SPAG1: variants seen among roughly 807,000 people sequenced by gnomAD.
SPAG1 encodes the protein sperm associated antigen 1.
Under a neutral mutation model 100.5 loss-of-function variants are expected in SPAG1, and 69 were observed. The observed-to-expected ratio is 0.69, with a 90% confidence interval of 0.57 to 0.84. The LOEUF (loss-of-function observed/expected upper bound fraction) is 0.84. Ranked by LOEUF, SPAG1 falls within the 40% of genes least tolerant of loss-of-function variation. The pLI is 0.00. For missense variants in SPAG1, 955 were observed against 1,133.1 expected (o/e 0.84, Z 2.26); for synonymous variants, 336 against 411.6 (o/e 0.82, Z 2.22).
rs2132289617 is a variant in SPAG1 at position 100,194,180 on chromosome 8, GA to G, written c.1012del (p.Arg338GlyfsTer7). On this transcript the variant is annotated frameshift_variant, in exon 10 of 19. Coordinates refer to ENST00000388798, the MANE Select transcript of SPAG1 (RefSeq NM_003114.5). LOFTEE classifies it high-confidence loss of function. ...EAASETQTKG[K>X]RMVIQEIENS... The stretch of plus-strand genomic sequence containing the variant: ...CTGCATCTGAGACTCAAACCAAAGG[GA>G]AAAGGATGGTTATTCAGGAAATAGA... 6.2e-7 allele frequency: 1 copy of G among 1,611,142 alleles called. No individual in the cohort carries two copies. Among genetic ancestry groups the G allele is most frequent in the Non-Finnish European group, 8.5e-7 (1 of 1,178,954 alleles).
At chr8:100,194,423 A>G in intron 10 of SPAG1, 155 bp downstream of exon 10, 1 of 1,050,460 alleles carries the variant, frequency 9.5e-7, no homozygotes, top group Non-Finnish European at 1.4e-6. Context: ...CTTTTTCTTA[A>G]TACAGCTTGG....
At chr8:100,236,604 G>C (rs773268322) in intron 16 of SPAG1, among the ~76,000 whole-genome samples, 1 of 152,168 alleles carries the variant, frequency 6.6e-6, no homozygotes, top group Admixed American at 6.5e-5. Context: ...GTTTTCCTCA[G>C]ATCTTCTGTT....
intron 10 of SPAG1, among the ~76,000 whole-genome samples, chr8:100,207,882 A>G (rs1331421472): frequency 6.6e-6 from 1 of 152,204 alleles, no homozygotes; most frequent in Non-Finnish European, 1.5e-5. Context: ...GGCCTTTTGA[A>G]GTCACAATTA....
intron 12 of SPAG1, 37 bp from the exon 13 acceptor site, chr8:100,220,242 C>A: frequency 6.4e-7 from 1 of 1,574,642 alleles, no homozygotes; most frequent in South Asian, 1.2e-5. Flanking sequence ...GAGCATTTTT[C>A]AAAACAAATG....
At chr8:100,223,175 T>C (rs895128253) in intron 13 of SPAG1, among the ~76,000 whole-genome samples, 3 of 152,234 alleles carry the variant, frequency 2.0e-5, no homozygotes, top group Non-Finnish European at 4.4e-5. Flanking sequence ...CACCAGTTGA[T>C]GAACATTTGG....
intron 1 of SPAG1, among the ~76,000 whole-genome samples, chr8:100,159,857 A>T (rs1815229705): frequency 6.6e-6 from 1 of 152,218 alleles, no homozygotes. Flanking sequence ...TAGCCTATTG[A>T]GACTCGTATC....
intron 4 of SPAG1, among the ~76,000 whole-genome samples, chr8:100,181,947 T>G (rs1012811148): frequency 6.6e-6 from 1 of 152,222 alleles, no homozygotes; most frequent in Non-Finnish European, 1.5e-5. Flanking sequence ...AGTTCAAGCA[T>G]CAAATGATAC....
intron 9 of SPAG1, among the ~76,000 whole-genome samples, chr8:100,193,543 G>A (rs1389453546): frequency 3.3e-5 from 5 of 152,148 alleles, no homozygotes; most frequent in Admixed American, 6.5e-5. Flanking sequence ...TTTGAAAATC[G>A]TATATCCAAC....
At chr8:100,209,127 C>G (rs1405216012) in intron 10 of SPAG1, among the ~76,000 whole-genome samples, 2 of 152,052 alleles carry the variant, frequency 1.3e-5, no homozygotes, top group Admixed American at 6.6e-5. Context: ...ACTGGCCTAG[C>G]CTCCCAGCCT....
rs778436096 is a variant in SPAG1 at position 100,240,486 on chromosome 8, C to G, written c.2364C>G (p.Ser788Arg). ...GCLASEKGGK[S>R]SRSPEDPEKL... ...TTGCTTCTGAGAAGGGAGGCAAAAGCAGCAGGTCACCAGAAGACCCTGAGA... is the reference window on the plus strand; with the variant it reads ...TTGCTTCTGAGAAGGGAGGCAAAAGGAGCAGGTCACCAGAAGACCCTGAGA... Residue 788 changes from serine to arginine, a missense_variant, in exon 18 of 19, where the codon AGC becomes AGG. By Grantham distance (110) the Ser-to-Arg change is moderately radical. Transcript: ENST00000388798. 5 of 1,614,124 alleles carry G rather than the reference C, an allele frequency of 3.1e-6. No homozygotes were observed. In the South Asian group the frequency reaches 5.5e-5, roughly 18 times the overall value.
At chr8:100,210,918 C>G (rs1204541613) in intron 10 of SPAG1, among the ~76,000 whole-genome samples, 2 of 151,664 alleles carry the variant, frequency 1.3e-5, no homozygotes, top group African/African-American at 4.9e-5. Context: ...ACCTCCACCT[C>G]CCGGGGTCCA....
At chr8:100,207,373 G>A (rs1166527167) in intron 10 of SPAG1, among the ~76,000 whole-genome samples, 1 of 152,178 alleles carries the variant, frequency 6.6e-6, no homozygotes, top group South Asian at 2.1e-4. Flanking sequence ...GCCTCCTGGG[G>A]AGTTTCCTGT....
intron 15 of SPAG1, 170 bp from the exon 16 acceptor site, chr8:100,233,241 C>T (rs1410503054): frequency 7.8e-6 from 5 of 637,590 alleles, no homozygotes; most frequent in Admixed American, 2.6e-5. Context: ...ATTTTGTTTG[C>T]GGTTGTATGC....
chr8:100,225,147 A>T, intron 13 of SPAG1, 26 bp from the exon 14 acceptor site: 1 of 1,584,306 alleles, frequency 6.3e-7, no homozygotes, highest in Non-Finnish European at 8.6e-7. Flanking sequence ...TAAATGATCA[A>T]CAGAGAAAAT....
chr8:100,177,228 A>G (rs1816169969), intron 3 of SPAG1, among the ~76,000 whole-genome samples: 1 of 152,194 alleles, frequency 6.6e-6, no homozygotes, highest in South Asian at 2.1e-4. Flanking sequence ...ATCACTTTTT[A>G]TGGCAAGATG....
chr8:100,169,060 G>A (rs2132211401), intron 3 of SPAG1, among the ~76,000 whole-genome samples: 1 of 151,726 alleles, frequency 6.6e-6, no homozygotes, highest in African/African-American at 2.4e-5. Flanking sequence ...TTTTTTTATT[G>A]TTTGGGCTTT....
intron 14 of SPAG1, among the ~76,000 whole-genome samples, chr8:100,229,352 G>A (rs1046181153): frequency 2.6e-5 from 4 of 152,176 alleles, no homozygotes; most frequent in African/African-American, 9.7e-5. Context: ...CCCGGCAGGT[G>A]GAGCTTGCAG....
At chr8:100,240,199 A>G (rs1366845871) in intron 17 of SPAG1, among the ~76,000 whole-genome samples, 1 of 152,228 alleles carries the variant, frequency 6.6e-6, no homozygotes, top group East Asian at 1.9e-4. Context: ...TTCAATGTCA[A>G]ATAATTTTTT....
At chr8:100,228,410 C>CA (rs71274969) in intron 14 of SPAG1, among the ~76,000 whole-genome samples, 13,686 of 129,542 alleles carry the variant, frequency 0.11, 2,068 homozygotes, top group African/African-American at 0.33. Flanking sequence ...CCATCTCTAC[C>CA]AAAAAAAAAA....
Sources: gnomAD v4.1 joint callset for allele counts (sites outside exome capture counted in the v4.1 genomes callset) on GRCh38, gnomAD v4.1.1 for gene constraint, MANE v1.5 for transcripts, NCBI Gene and HGNC (gene_info 2026-07-23, HGNC 2026-07-21) for gene names.